The following MEMO1 variants were observed in gnomAD, a reference collection of about 807,000 sequenced individuals.
MEMO1 encodes the protein mediator of cell motility 1, also known as protein MEMO1.
A neutral mutation model predicts 45.2 loss-of-function variants in MEMO1; 6 were observed. The ratio of observed to expected loss-of-function variants is 0.13; its 90% CI spans 0.07 to 0.26. The LOEUF (loss-of-function observed/expected upper bound fraction) is 0.26. MEMO1 is among the 10% of genes least tolerant of loss of function. The pLI is 1.00. For synonymous variants in MEMO1, 78 were observed against 124.3 expected, an observed-to-expected ratio of 0.63 and a Z score of 2.48; for missense variants, 184 against 370.5, an observed-to-expected ratio of 0.50 and a Z score of 4.13.
At chr2:32,002,186 T>TACACACACACAC (rs66840564) in intron 2 of MEMO1, among the ~76,000 whole-genome samples, 9 of 116,062 alleles carry the variant, frequency 7.8e-5, no homozygotes, top group African/African-American at 2.8e-4. Context: ...TATATATATA[T>TACACACACACAC]ACACACACAC....
chr2:31,974,947 G>A lies in MEMO1; in HGVS notation c.62-31564C>T, dbSNP rs140106247. On this transcript the variant is annotated intron_variant, in intron 2 of 9. Transcript: ENST00000404530. ...GCACTTTGAGAGGCCGAGGCAAGTG[G>A]ATCACCTGAGGTCAGGAGTTTGAGA... Among the ~76,000 whole-genome samples, 877 of 152,214 alleles carry A rather than the reference G, an allele frequency of 5.8e-3. 4 individuals carry two copies. Among genetic ancestry groups the A allele is most frequent in the Non-Finnish European group, 8.7e-3 (590 of 68,002 alleles).
chr2:31,898,839 G>T (rs1015145659), intron 6 of MEMO1, among the ~76,000 whole-genome samples: 4 of 152,026 alleles, frequency 2.6e-5, no homozygotes, highest in Non-Finnish European at 5.9e-5. Flanking sequence ...TTATTGTGTG[G>T]GAGTCTAAGT....
chr2:31,913,728 C>A (rs1356255084), intron 6 of MEMO1, among the ~76,000 whole-genome samples: 1 of 152,018 alleles, frequency 6.6e-6, no homozygotes, highest in Non-Finnish European at 1.5e-5. Context: ...TTGCTCCAGG[C>A]AGAAAACATT....
Position 31,891,975 on chromosome 2 carries a change from T to C in MEMO1, c.580+17A>G. The C allele has an allele frequency of 6.2e-7, 1 of 1,605,914 alleles. No individual in the cohort carries two copies. The highest frequency in any genetic ancestry group is 8.5e-7 in the Non-Finnish European group (1 of 1,175,940). Reference sequence around the variant, plus strand: ...GTATATAACATCTACCATGATATGTTAAAATCTAGAACTTACCCCAATGGC... The same window carrying C: ...GTATATAACATCTACCATGATATGTCAAAATCTAGAACTTACCCCAATGGC... On this transcript the variant is annotated intron_variant, in intron 7 of 9. Coordinates refer to ENST00000404530, the MANE Select transcript of MEMO1 (RefSeq NM_001301833.4).
At chr2:31,912,880 T>C (rs1441949430) in intron 6 of MEMO1, among the ~76,000 whole-genome samples, 3 of 152,248 alleles carry the variant, frequency 2.0e-5, no homozygotes, top group Non-Finnish European at 2.9e-5. Context: ...ATATTTTTTA[T>C]GTCAGTAGAG....
At chr2:31,926,651 C>A (rs533407004) in intron 4 of MEMO1, among the ~76,000 whole-genome samples, 2 of 151,974 alleles carry the variant, frequency 1.3e-5, no homozygotes, top group Admixed American at 6.5e-5. Context: ...CAGTTTGAGA[C>A]CAGTATGGCC....
At chr2:31,919,665 T>A (rs185151060) in intron 5 of MEMO1, among the ~76,000 whole-genome samples, 2 of 151,828 alleles carry the variant, frequency 1.3e-5, no homozygotes, top group South Asian at 4.2e-4. Flanking sequence ...CCAAAAAAAA[T>A]ATTTTTAATT....
chr2:31,973,618 A>G (rs1669665564), intron 2 of MEMO1, among the ~76,000 whole-genome samples: 2 of 152,224 alleles, frequency 1.3e-5, no homozygotes, highest in African/African-American at 2.4e-5. Flanking sequence ...TACATACAAT[A>G]AAGTATTATT....
chr2:31,951,657 C>T (rs1224191377), intron 2 of MEMO1, among the ~76,000 whole-genome samples: 2 of 152,042 alleles, frequency 1.3e-5, no homozygotes, highest in African/African-American at 4.8e-5. Context: ...CTCAGCCTCC[C>T]GAGTAGCTGG....
At chr2:31,912,834 T>C (rs1476454088) in intron 6 of MEMO1, among the ~76,000 whole-genome samples, 1 of 152,218 alleles carries the variant, frequency 6.6e-6, no homozygotes, top group East Asian at 1.9e-4. Context: ...CATTTTGTAC[T>C]TCTTGACTCT....
intron 2 of MEMO1, among the ~76,000 whole-genome samples, chr2:31,994,023 T>C (rs1413493243): frequency 7.4e-6 from 1 of 135,602 alleles, no homozygotes; most frequent in East Asian, 2.4e-4. Flanking sequence ...TGCAGTGACA[T>C]GATCTCGGCT....
At chr2:31,894,635 TGA>T (rs1220574184) in intron 6 of MEMO1, among the ~76,000 whole-genome samples, 1 of 152,138 alleles carries the variant, frequency 6.6e-6, no homozygotes, top group Non-Finnish European at 1.5e-5. Flanking sequence ...AAACGCAGGC[TGA>T]GAGACTGGCA....
At chr2:31,924,967 G>A (rs187548700) in intron 4 of MEMO1, among the ~76,000 whole-genome samples, 1 of 152,222 alleles carries the variant, frequency 6.6e-6, no homozygotes, top group Admixed American at 6.5e-5. Context: ...GCCTTTTATG[G>A]CATTTCATGG....
intron 4 of MEMO1, chr2:31,923,874 T>C: frequency 9.2e-7 from 1 of 1,089,034 alleles, no homozygotes; most frequent in East Asian, 2.9e-5. Flanking sequence ...ACACCAGAGG[T>C]CTGCTGGAAG....
At chr2:31,963,862 A>G (rs973198979) in intron 2 of MEMO1, among the ~76,000 whole-genome samples, 4 of 152,222 alleles carry the variant, frequency 2.6e-5, no homozygotes, top group Non-Finnish European at 4.4e-5. Context: ...TGTGGCTAAT[A>G]CTGAGATGTG....
intron 3 of MEMO1, among the ~76,000 whole-genome samples, chr2:31,935,782 A>T (rs1664848203): frequency 6.6e-6 from 1 of 152,136 alleles, no homozygotes; most frequent in African/African-American, 2.4e-5. Context: ...TTCTACATGT[A>T]TGTGGAAACA....
chr2:31,874,785 T>C (rs1444618156), intron 8 of MEMO1, among the ~76,000 whole-genome samples: 6 of 152,024 alleles, frequency 3.9e-5, no homozygotes, highest in South Asian at 2.1e-4. Flanking sequence ...AACTAAGATA[T>C]TGGTTCTCAA....
At chr2:31,971,896 G>A (rs1463141157) in intron 2 of MEMO1, among the ~76,000 whole-genome samples, 2 of 152,158 alleles carry the variant, frequency 1.3e-5, no homozygotes, top group Non-Finnish European at 2.9e-5. Flanking sequence ...CTTGAGCCCA[G>A]GAGGCAGAGG....
chr2:31,914,150 G>C (rs1049918139), intron 6 of MEMO1, among the ~76,000 whole-genome samples: 2 of 152,182 alleles, frequency 1.3e-5, no homozygotes, highest in African/African-American at 4.8e-5. Context: ...GAGGAAGCTA[G>C]GGCATCTTGG....
Sources: gnomAD v4.1 joint callset for allele counts (sites outside exome capture counted in the v4.1 genomes callset) on GRCh38, gnomAD v4.1.1 for gene constraint, MANE v1.5 for transcripts, NCBI Gene and HGNC (gene_info 2026-07-23, HGNC 2026-07-21) for gene names.